CACNA1C: variants seen among roughly 807,000 people sequenced by gnomAD.
CACNA1C encodes voltage-dependent L-type calcium channel subunit alpha-1C.
In CACNA1C, 30 loss-of-function variants were observed where a neutral mutation model predicts 229.0. The ratio of observed to expected loss-of-function variants is 0.13; its 90% CI spans 0.10 to 0.18. CACNA1C has a LOEUF of 0.18. CACNA1C is among the 10% of genes least tolerant of loss of function. The pLI, the probability that CACNA1C is intolerant of heterozygous loss-of-function variation, is 1.00. For synonymous variants in CACNA1C, 1,114 were observed against 1,132.5 expected, an observed-to-expected ratio of 0.98 and a Z score of 0.33; for missense variants, 1,658 against 2,845.0, an observed-to-expected ratio of 0.58 and a Z score of 9.49.
Position 2,437,367 on chromosome 12 carries a change from G to A in CACNA1C, c.478-11609G>A, listed in dbSNP as rs188835895. ...CATTCTGACAATTGTGCCAGGTAAA[G>A]GGGGTTCTGAGGTGGCTGGGAGGTG... On this transcript the variant is annotated intron_variant, in intron 3 of 46. Transcript: ENST00000399655. Among the ~76,000 whole-genome samples, 7 of 152,334 alleles carry A rather than the reference G, an allele frequency of 4.6e-5. No individual in the cohort carries two copies. In the East Asian group the frequency reaches 1.2e-3, roughly 25 times the overall value.
At chr12:2,459,679 C>A (rs142507396) in intron 5 of CACNA1C, among the ~76,000 whole-genome samples, 10 of 152,204 alleles carry the variant, frequency 6.6e-5, no homozygotes, top group African/African-American at 2.4e-4. Context: ...TCAGCCAGAA[C>A]TCAATAGCCA....
chr12:2,358,857 A>G (rs959339219), intron 3 of CACNA1C, among the ~76,000 whole-genome samples: 1 of 151,780 alleles, frequency 6.6e-6, no homozygotes, highest in African/African-American at 2.4e-5. Flanking sequence ...TGGGCCCCCG[A>G]GACTGGGAAG....
At chr12:2,007,475 G>A (rs74059700) in intron 1 of CACNA1C, among the ~76,000 whole-genome samples, 2,214 of 152,304 alleles carry the variant, frequency 0.015, 58 homozygotes, top group African/African-American at 0.048. Flanking sequence ...GTGCTCACTT[G>A]ATGAAATTCA....
chr12:2,570,415 G>A (rs1489779368), intron 13 of CACNA1C, among the ~76,000 whole-genome samples: 3 of 152,050 alleles, frequency 2.0e-5, no homozygotes, highest in Non-Finnish European at 2.9e-5. Flanking sequence ...ATGGTCCGGG[G>A]AGGTAGACAT....
At chr12:2,158,410 T>C (rs1278693821) in intron 3 of CACNA1C, among the ~76,000 whole-genome samples, 1 of 152,160 alleles carries the variant, frequency 6.6e-6, no homozygotes, top group African/African-American at 2.4e-5. Context: ...ACCATGTCTT[T>C]ACCAAAGATA....
chr12:1,993,919 C>T (rs552164967), intron 1 of CACNA1C, among the ~76,000 whole-genome samples: 15 of 152,320 alleles, frequency 9.8e-5, no homozygotes, highest in African/African-American at 3.6e-4. Flanking sequence ...GAACAATGAA[C>T]TTGTGAGGAC....
chr12:2,695,775 T>C lies in CACNA1C; in HGVS notation c.*4576T>C, dbSNP rs1318829418. On this transcript the variant is annotated 3_prime_UTR_variant, in exon 47 of 47. Transcript: ENST00000399655. Reference sequence around the variant, plus strand: ...GAAGCCTCTTCTGGGTTTAACTTCATTCATCAATTTATTCTTATGTCAAAG... The same window carrying C: ...GAAGCCTCTTCTGGGTTTAACTTCACTCATCAATTTATTCTTATGTCAAAG... 6.6e-6 allele frequency: 1 copy of C among 152,226 alleles called. No individual in the cohort carries two copies. Among genetic ancestry groups the C allele is most frequent in the Non-Finnish European group, 1.5e-5 (1 of 68,034 alleles). The allele number at this position is 152,226 out of a possible 1,614,324, so 9.4% of individuals were successfully genotyped here. A position where few individuals can be genotyped will look rare whatever the true frequency, so the allele number is the denominator to read the frequency against.
At chr12:2,377,609 C>A (rs558910424) in intron 3 of CACNA1C, among the ~76,000 whole-genome samples, 1 of 152,320 alleles carries the variant, frequency 6.6e-6, no homozygotes, top group South Asian at 2.1e-4. Flanking sequence ...ACCTCCTTCA[C>A]CACAGCCACA....
At chr12:2,586,742 C>T (rs2153233510) in intron 18 of CACNA1C, among the ~76,000 whole-genome samples, 1 of 152,280 alleles carries the variant, frequency 6.6e-6, no homozygotes, top group Non-Finnish European at 1.5e-5. Context: ...TTTGCTTTCC[C>T]TCCGCTGGTT....
At chr12:2,457,505 A>G (rs1447817439) in intron 4 of CACNA1C, 62 bp from the exon 5 acceptor site, 4 of 1,556,894 alleles carry the variant, frequency 2.6e-6, no homozygotes, top group Non-Finnish European at 3.5e-6. Flanking sequence ...CAGAGGTCAG[A>G]GCCCCAGCTG....
intron 1 of CACNA1C, chr12:1,998,099 G>T: frequency 1.4e-6 from 1 of 725,544 alleles, no homozygotes; most frequent in Non-Finnish European, 2.2e-6. Context: ...CCCAACATGA[G>T]GAGTTATTCT....
At chr12:1,978,744 C>T (rs2154463335) in intron 1 of CACNA1C, among the ~76,000 whole-genome samples, 1 of 152,320 alleles carries the variant, frequency 6.6e-6, no homozygotes, top group East Asian at 1.9e-4. Context: ...ATTAGTTTTG[C>T]CTGTTCTTCA....
chr12:2,329,525 A>G (rs1289920976), intron 3 of CACNA1C, among the ~76,000 whole-genome samples: 1 of 152,184 alleles, frequency 6.6e-6, no homozygotes, highest in Non-Finnish European at 1.5e-5. Flanking sequence ...TTGTCAAGCA[A>G]GTGCATCCTA....
chr12:2,505,088 G>A (rs1344746033), intron 8 of CACNA1C, 143 bp downstream of exon 8: 3 of 614,214 alleles, frequency 4.9e-6, no homozygotes, highest in Non-Finnish European at 8.7e-6. Context: ...GGATGTCCTT[G>A]TCCTGGCTGG....
intron 3 of CACNA1C, among the ~76,000 whole-genome samples, chr12:2,185,367 G>A (rs916912372): frequency 3.9e-5 from 6 of 152,308 alleles, no homozygotes; most frequent in African/African-American, 1.4e-4. Context: ...AACCCCGGAA[G>A]CCCACCTGTC....
intron 3 of CACNA1C, among the ~76,000 whole-genome samples, chr12:2,315,338 A>C (rs930338959): frequency 6.6e-6 from 1 of 152,202 alleles, no homozygotes; most frequent in African/African-American, 2.4e-5. Flanking sequence ...TCTGGGCACG[A>C]GAGAGAGATG....
intron 1 of CACNA1C, among the ~76,000 whole-genome samples, chr12:2,046,929 T>G (rs968736778): frequency 5.9e-5 from 9 of 152,198 alleles, no homozygotes; most frequent in African/African-American, 2.2e-4. Flanking sequence ...ACATAAGTTG[T>G]GAAGGCCTCA....
At position 2,695,960 on chromosome 12, in the gene CACNA1C, T is replaced by A. The variant is rs1222291966; in HGVS notation, c.*4761T>A. 1 of 152,256 alleles carries A rather than the reference T, an allele frequency of 6.6e-6. No individual in the cohort carries two copies. The highest frequency in any genetic ancestry group is 1.5e-5 in the Non-Finnish European group (1 of 68,092). 9.4% of individuals were successfully genotyped at this position (152,256 alleles called of 1,614,324 possible). ...TGGGGTTGAGCTCTAGATGAGGGAC[T>A]TTCCTGCTCCTGCAAGGGTGAGCAC... On this transcript the variant is annotated 3_prime_UTR_variant, in exon 47 of 47. Coordinates refer to ENST00000399655, the MANE Select transcript of CACNA1C (RefSeq NM_000719.7).
At chr12:2,352,720 C>A (rs1356807369) in intron 3 of CACNA1C, among the ~76,000 whole-genome samples, 1 of 151,542 alleles carries the variant, frequency 6.6e-6, no homozygotes, top group African/African-American at 2.4e-5. Flanking sequence ...ATTAGCACTG[C>A]ATTACTTGTT....
Sources: allele counts gnomAD v4.1 joint callset (sites outside exome capture counted in the v4.1 genomes callset), GRCh38; gene constraint gnomAD v4.1.1; transcripts MANE v1.5; gene names NCBI Gene and HGNC (gene_info 2026-07-23, HGNC 2026-07-21).